DOCK2: variants seen among roughly 807,000 people sequenced by gnomAD.
DOCK2 encodes the protein dedicator of cytokinesis protein 2.
DOCK2 carries 87 observed loss-of-function variants against 248.9 expected under a neutral mutation model. That is an observed-to-expected ratio of 0.35 (90% CI 0.29 to 0.42). The LOEUF (loss-of-function observed/expected upper bound fraction) is 0.42, where lower values mean the gene tolerates loss of function less well. Among genes scored for constraint, DOCK2 ranks in the 10% least tolerant of loss-of-function variants. The pLI, the probability that DOCK2 is intolerant of heterozygous loss-of-function variation, is 1.00. For synonymous variants in DOCK2, 805 were observed against 821.6 expected, an observed-to-expected ratio of 0.98 and a Z score of 0.35; for missense variants, 1,747 against 2,300.2, an observed-to-expected ratio of 0.76 and a Z score of 4.92.
rs1467732954 is a variant in DOCK2, at chr5:169,763,568, G to A, written c.2554+1943G>A. On this transcript the variant is annotated intron_variant, in intron 25 of 51. Transcript: ENST00000520908. This position sits in a 1 kb window ranked among gnomAD's most constrained non-coding sequence, Gnocchi z 4.1. ...TGGAAGTCGGAGTAATTCCTTGACT[G>A]CAGCCACATCTCCAGGGCTGGGAGG... Among the ~76,000 whole-genome samples the A allele has an allele frequency of 6.6e-6, 1 of 152,216 alleles. No individual in the cohort carries two copies. The highest frequency in any genetic ancestry group is 6.5e-5 in the Admixed American group (1 of 15,288).
At chr5:170,058,309 T>G (rs1265077517) in intron 44 of DOCK2, among the ~76,000 whole-genome samples, 1 of 152,192 alleles carries the variant, frequency 6.6e-6, no homozygotes, top group Non-Finnish European at 1.5e-5. Context: ...CAGAAAATAC[T>G]TAATGTGTAC....
At chr5:169,718,860 C>T in intron 22 of DOCK2, 69 bp downstream of exon 22, 1 of 1,510,398 alleles carries the variant, frequency 6.6e-7, no homozygotes, top group Non-Finnish European at 8.9e-7. Flanking sequence ...AGTATTTTTA[C>T]TGTAGGAGAA....
chr5:170,071,851 G>T (rs1302220382), intron 46 of DOCK2, among the ~76,000 whole-genome samples: 1 of 152,158 alleles, frequency 6.6e-6, no homozygotes, highest in Admixed American at 6.5e-5. Flanking sequence ...CATATAAACA[G>T]AATCACATAA....
intron 25 of DOCK2, among the ~76,000 whole-genome samples, chr5:169,770,087 C>T (rs1233418893): frequency 6.6e-6 from 1 of 152,118 alleles, no homozygotes; most frequent in East Asian, 1.9e-4. Context: ...CTGGAGCAGT[C>T]CTGGCCATTA....
chr5:170,047,432 C>A, intron 39 of DOCK2, 78 bp from the exon 40 acceptor site: 2 of 1,294,288 alleles, frequency 1.5e-6, no homozygotes, highest in East Asian at 2.4e-5. Flanking sequence ...ATGAAAATGT[C>A]TTCACCAAGG....
chr5:169,659,173 C>T (rs1758307024), intron 2 of DOCK2, among the ~76,000 whole-genome samples: 1 of 151,802 alleles, frequency 6.6e-6, no homozygotes, highest in South Asian at 2.1e-4. Context: ...TAAAATCTTC[C>T]CCACCACCCC....
chr5:169,637,596 G>A (rs942061761), intron 1 of DOCK2, among the ~76,000 whole-genome samples: 16 of 152,194 alleles, frequency 1.1e-4, no homozygotes, highest in Non-Finnish European at 1.9e-4. Context: ...CTCGCCTGCT[G>A]AGGGAACCTT....
chr5:169,719,681 G>T (rs907824235), intron 22 of DOCK2, among the ~76,000 whole-genome samples: 1 of 152,164 alleles, frequency 6.6e-6, no homozygotes, highest in Non-Finnish European at 1.5e-5. Flanking sequence ...GTTTTCCGAC[G>T]CAGAGGCTGC....
At chr5:170,078,100 G>C (rs1372776240) in intron 48 of DOCK2, among the ~76,000 whole-genome samples, 1 of 152,162 alleles carries the variant, frequency 6.6e-6, no homozygotes, top group Non-Finnish European at 1.5e-5. Flanking sequence ...CAGACTTCTA[G>C]TCCAGTGATC....
At chr5:169,683,747 G>T (rs1302687976) in intron 7 of DOCK2, among the ~76,000 whole-genome samples, 3 of 152,044 alleles carry the variant, frequency 2.0e-5, no homozygotes, top group African/African-American at 7.2e-5. Context: ...GGAAGTGTCT[G>T]GTCAAACATT....
intron 29 of DOCK2, among the ~76,000 whole-genome samples, chr5:169,989,923 T>G (rs1778164676): frequency 6.6e-6 from 1 of 152,336 alleles, no homozygotes. Flanking sequence ...AAATCTGGGC[T>G]GGATCTTGTC....
intron 6 of DOCK2, among the ~76,000 whole-genome samples, chr5:169,676,914 C>T (rs1455508557): frequency 2.0e-5 from 3 of 152,126 alleles, no homozygotes; most frequent in Non-Finnish European, 4.4e-5. Flanking sequence ...GCAATGAGAA[C>T]CAGTGATAAC....
chr5:170,008,965 T>C (rs1755173700), intron 32 of DOCK2, among the ~76,000 whole-genome samples: 1 of 151,986 alleles, frequency 6.6e-6, no homozygotes, highest in African/African-American at 2.4e-5. Flanking sequence ...CAGCTGTGAA[T>C]ATGCTTCTGC....
At chr5:169,883,866 C>A in intron 27 of DOCK2, 1 of 1,521,098 alleles carries the variant, frequency 6.6e-7, no homozygotes, top group Non-Finnish European at 8.8e-7. Context: ...GCTTTAGAAG[C>A]ACAGGTCTCA....
intron 5 of DOCK2, among the ~76,000 whole-genome samples, chr5:169,672,050 A>T (rs1157251334): frequency 6.6e-6 from 1 of 151,644 alleles, no homozygotes; most frequent in Non-Finnish European, 1.5e-5. Context: ...TCTGTTGCCC[A>T]GGCTGGAGTG....
chr5:169,858,517 A>G (rs147814925), intron 27 of DOCK2, among the ~76,000 whole-genome samples: 35 of 152,242 alleles, frequency 2.3e-4, no homozygotes, highest in African/African-American at 8.4e-4. Context: ...CAAACACCGG[A>G]AGGGCCTGTG....
At chr5:170,075,411 A>G (rs533807988) in intron 46 of DOCK2, 11 of 152,800 alleles carry the variant, frequency 7.2e-5, no homozygotes, top group African/African-American at 2.4e-4. Flanking sequence ...GGTTAACTTT[A>G]TGATATTAGC....
chr5:169,822,590 G>A (rs562980023), intron 26 of DOCK2, among the ~76,000 whole-genome samples: 7 of 152,126 alleles, frequency 4.6e-5, no homozygotes, highest in East Asian at 3.9e-4. Context: ...GACACAACAC[G>A]CCAGAATCTC....
At chr5:169,721,491 A>G (rs35368906) in intron 22 of DOCK2, among the ~76,000 whole-genome samples, 3,065 of 152,326 alleles carry the variant, frequency 0.02, 49 homozygotes, top group Middle Eastern at 0.068. Flanking sequence ...ACGAGGGGGC[A>G]TCTTCTGTGG....
Sources: allele counts gnomAD v4.1 joint callset (sites outside exome capture counted in the v4.1 genomes callset), GRCh38; gene constraint gnomAD v4.1.1; non-coding constraint Gnocchi (gnomAD v3.1); transcripts MANE v1.5; gene names NCBI Gene and HGNC (gene_info 2026-07-23, HGNC 2026-07-21).